NCOR1: variants seen among roughly 807,000 people sequenced by gnomAD.
The protein encoded by NCOR1 is nuclear receptor corepressor 1, also known as protein phosphatase 1, regulatory subunit 109.
A neutral mutation model predicts 288.1 loss-of-function variants in NCOR1; 63 were observed. The observed-to-expected ratio is 0.22, with a 90% CI of 0.18 to 0.27. NCOR1 has a LOEUF of 0.27. Among genes scored for constraint, NCOR1 ranks in the 10% least tolerant of loss-of-function variants. The pLI is 1.00. For missense variants in NCOR1, 2,397 were observed against 3,019.2 expected (o/e 0.79, Z 4.83); for synonymous variants, 1,007 against 1,065.9 (o/e 0.94, Z 1.08).
intron 27 of NCOR1, 118 bp from the exon 28 acceptor site, chr17:16,073,687 C>T: frequency 2.4e-6 from 2 of 838,346 alleles, no homozygotes; most frequent in South Asian, 4.7e-5. Flanking sequence ...TTGTCTTAAC[C>T]TACAATAAAA....
At chr17:16,169,884 C>T (rs539183670) in intron 4 of NCOR1, among the ~76,000 whole-genome samples, 15 of 151,690 alleles carry the variant, frequency 9.9e-5, no homozygotes, top group Non-Finnish European at 2.1e-4. Flanking sequence ...CTTATAAACC[C>T]CACAGACTAC....
intron 42 of NCOR1, 152 bp from the exon 43 acceptor site, chr17:16,040,646 G>A (rs915977101): frequency 2.6e-6 from 2 of 760,366 alleles, no homozygotes; most frequent in African/African-American, 1.8e-5. Context: ...TAAAATGGAA[G>A]TATTTTTTTT....
In NCOR1 at chr17:16,138,155, T is replaced by C; in HGVS notation, c.1407+3A>G. The C allele has an allele frequency of 6.2e-7, 1 of 1,610,888 alleles. No homozygotes were observed. Among genetic ancestry groups the C allele is most frequent in the Non-Finnish European group, 8.5e-7 (1 of 1,177,554 alleles). On this transcript the variant is annotated splice_donor_region_variant and intron_variant, in intron 13 of 45. Transcript: ENST00000268712. ...AACACTCCCAATGCAAACCATGTCT[T>C]ACCTTCCTCTCCAAGTATGATGCAA...
At chr17:16,160,933 T>A (rs1347907483) in intron 5 of NCOR1, among the ~76,000 whole-genome samples, 2 of 151,910 alleles carry the variant, frequency 1.3e-5, no homozygotes, top group Admixed American at 6.5e-5. Flanking sequence ...TCGAAAAAAA[T>A]TTAAAAAAAT....
Position 16,168,583 on chromosome 17 carries a change from C to A in NCOR1, c.435+3220G>T, listed in dbSNP as rs112737402. Among the ~76,000 whole-genome samples the A allele has an allele frequency of 5.7e-4, 87 of 152,130 alleles. 1 individual carries two copies. Among genetic ancestry groups the A allele is most frequent in the African/African-American group, 2.0e-3 (84 of 41,508 alleles). On this transcript the variant is annotated intron_variant, in intron 4 of 45. Transcript: ENST00000268712. ...TGCAGGACAATCTGGAAATACCCAC[C>A]GTACCTTAAAAATCAACCTGGTCTA...
In NCOR1 at chr17:16,039,587, G is replaced by A. The variant is rs1199466655; in HGVS notation, c.6801C>T (p.Ile2267=). ...PASNLGLEDI[I]RKALMGSFDD... The stretch of plus-strand genomic sequence containing the variant: ...CAAAGCTTCCCATGAGAGCCTTCCT[G>A]ATAATGTCTTCCAGCCCAAGATTAC... Residue 2267 remains isoleucine, a synonymous_variant, in exon 44 of 46, where the codon ATC becomes ATT. Transcript: ENST00000268712. 1.2e-6 allele frequency: 2 copies of A among 1,614,102 alleles called. No individual in the cohort carries two copies. The highest frequency in any genetic ancestry group is 1.7e-5 in the Admixed American group (1 of 60,014).
intron 8 of NCOR1, chr17:16,151,547 G>A (rs1369847538): frequency 9.3e-6 from 12 of 1,285,476 alleles, no homozygotes; most frequent in Non-Finnish European, 1.2e-5. Flanking sequence ...GGTGGGGGAC[G>A]GTGTCATCAC....
chr17:16,190,298 A>C (rs1216414282), intron 2 of NCOR1, among the ~76,000 whole-genome samples: 1 of 152,194 alleles, frequency 6.6e-6, no homozygotes, highest in Non-Finnish European at 1.5e-5. Context: ...TGAGAATTTA[A>C]GAACTCAAAT....
At position 16,070,336 on chromosome 17, in the gene NCOR1, G is replaced by A. The variant is rs2152724378; in HGVS notation, c.4342C>T (p.His1448Tyr). The A allele has an allele frequency of 1.9e-6, 3 of 1,614,160 alleles. No homozygotes were observed. Among genetic ancestry groups the A allele is most frequent in the Non-Finnish European group, 1.7e-6 (2 of 1,180,030 alleles). ...GGGCCAGAGCTTACCACTGACGTGT[G>A]CCGGGAACGCACGGTCTCGCCTGCT... ...VKAGETVRSR[H>Y]TSVVSSGPSV... is the part of the protein sequence containing the mutation. The change falls in exon 31 of 46, where the codon CAC (histidine) becomes TAC (tyrosine). Residue 1448 changes from histidine to tyrosine, a missense_variant. Around this residue, in one of 11 missense-constraint regions of NCOR1, gnomAD observed 1,872 missense variants for 2,187.8 expected, o/e 0.86. Coordinates refer to ENST00000268712, the MANE Select transcript of NCOR1 (RefSeq NM_006311.4).
In NCOR1 at chr17:16,127,353, GTATGTATATATACATGTATGTA is replaced by G. The variant is rs2074512933; in HGVS notation, c.1510-1169_1510-1148del. Among the ~76,000 whole-genome samples the G allele has an allele frequency of 2.9e-5, 4 of 140,076 alleles. 1 individual carries two copies. Among genetic ancestry groups the G allele is most frequent in the South Asian group, 2.2e-4 (1 of 4,642 alleles). 91.9% of individuals were successfully genotyped at this position (140,076 alleles called of 152,430 possible). A position where few individuals can be genotyped will look rare whatever the true frequency, so the allele number is the denominator to read the frequency against. On this transcript the variant is annotated intron_variant, in intron 14 of 45. Transcript: ENST00000268712. Reference sequence around the variant, plus strand: ...TGTATATATACATGTATGTATATATGTATGTATATATACATGTATGTATATATGTATGTATATATACATGTGT... The same window carrying G: ...TGTATATATACATGTATGTATATATGTATATGTATGTATATATACATGTGT...
chr17:16,104,844 G>C (rs2068292595), intron 19 of NCOR1, among the ~76,000 whole-genome samples: 1 of 152,194 alleles, frequency 6.6e-6, no homozygotes, highest in Admixed American at 6.5e-5. Context: ...TGAGAAAGAA[G>C]TGGGTGAGGA....
At chr17:16,038,181 C>T (rs1567637146) in intron 44 of NCOR1, among the ~76,000 whole-genome samples, 2 of 151,962 alleles carry the variant, frequency 1.3e-5, no homozygotes, top group Non-Finnish European at 2.9e-5. Flanking sequence ...AGAAATACTG[C>T]TGAACTTCAG....
At chr17:16,152,110 A>G (rs1414537442) in intron 7 of NCOR1, 112 bp from the exon 8 acceptor site, 1 of 628,936 alleles carries the variant, frequency 1.6e-6, no homozygotes, top group Non-Finnish European at 2.7e-6. Flanking sequence ...GATCTACACA[A>G]TAACATGCCC....
chr17:16,074,752 T>C (rs2062196056), intron 27 of NCOR1, among the ~76,000 whole-genome samples: 1 of 152,102 alleles, frequency 6.6e-6, no homozygotes, highest in Non-Finnish European at 1.5e-5. Context: ...AAAATACTAC[T>C]ACTGAGAAAA....
chr17:16,040,779 C>T, intron 42 of NCOR1: 1 of 403,508 alleles, frequency 2.5e-6, no homozygotes, highest in Non-Finnish European at 4.6e-6. Flanking sequence ...CCTAGTCCCC[C>T]AGCTACTCAG....
At chr17:16,092,652 TA>T (rs2065391690) in intron 21 of NCOR1, among the ~76,000 whole-genome samples, 3 of 11,166 alleles carry the variant, frequency 2.7e-4, no homozygotes, top group African/African-American at 4.1e-4. Context: ...TCCATTTATA[TA>T]TATATATATA....
chr17:16,103,692 G>A (rs1024669009), intron 19 of NCOR1, among the ~76,000 whole-genome samples: 2 of 152,146 alleles, frequency 1.3e-5, no homozygotes, highest in East Asian at 3.8e-4. Context: ...CTTTTCCTTT[G>A]GTGATCAACT....
chr17:16,083,007 C>T (rs745550663), intron 23 of NCOR1, among the ~76,000 whole-genome samples: 7 of 152,030 alleles, frequency 4.6e-5, no homozygotes, highest in Non-Finnish European at 7.4e-5. Flanking sequence ...TTCACCAATT[C>T]ACTATTCAGT....
chr17:16,105,748 CAAAG>C (rs1166792004), intron 19 of NCOR1, among the ~76,000 whole-genome samples: 1 of 143,076 alleles, frequency 7.0e-6, no homozygotes, highest in Non-Finnish European at 1.6e-5. Context: ...AACAAACAAA[CAAAG>C]ACAGACAAGC....
Sources: gnomAD v4.1 joint callset for allele counts (sites outside exome capture counted in the v4.1 genomes callset) on GRCh38, gnomAD v4.1.1 for gene constraint, gnomAD v4.1.1 regional missense constraint, MANE v1.5 for transcripts, NCBI Gene and HGNC (gene_info 2026-07-23, HGNC 2026-07-21) for gene names.